PAH: variants seen among roughly 807,000 people sequenced by gnomAD.
PAH encodes phenylalanine-4-hydroxylase.
PAH carries 64 observed loss-of-function variants against 62.0 expected under a neutral mutation model. The observed-to-expected ratio is 1.03, with a 90% confidence interval of 0.84 to 1.27. The LOEUF (loss-of-function observed/expected upper bound fraction) is 1.27. PAH is among the 50% of genes most tolerant of loss of function. The pLI is 0.00. For missense variants in PAH, 579 were observed against 542.8 expected (o/e 1.07, Z -0.66); for synonymous variants, 195 against 196.2 (o/e 0.99, Z 0.05).
At chr12:102,875,094 T>C (rs1388545138) in intron 4 of PAH, among the ~76,000 whole-genome samples, 2 of 152,208 alleles carry the variant, frequency 1.3e-5, no homozygotes, top group East Asian at 3.9e-4. Context: ...GTTTTGTCCT[T>C]GGCCCACGTC....
chr12:102,939,872 T>C (rs771363942), intron 1 of PAH, among the ~76,000 whole-genome samples: 12 of 152,104 alleles, frequency 7.9e-5, no homozygotes, highest in Non-Finnish European at 1.5e-4. Context: ...AGGGCTGCAG[T>C]GTGCAGCCTG....
At chr12:102,844,559 G>A in intron 9 of PAH, 128 bp from the exon 10 acceptor site, 1 of 716,186 alleles carries the variant, frequency 1.4e-6, no homozygotes. Context: ...GTCTATGAGG[G>A]TGTTTCTGGA....
At chr12:102,888,486 G>A (rs1010040765) in intron 3 of PAH, among the ~76,000 whole-genome samples, 1 of 150,694 alleles carries the variant, frequency 6.6e-6, no homozygotes, top group Non-Finnish European at 1.5e-5. Flanking sequence ...CTTAGAATGA[G>A]AGCCTCCTTA....
chr12:102,912,331 G>A (rs1410651707), intron 2 of PAH, among the ~76,000 whole-genome samples: 2 of 152,028 alleles, frequency 1.3e-5, no homozygotes, highest in Non-Finnish European at 2.9e-5. Context: ...ACGGTGTCTT[G>A]CATATTATTT....
At chr12:102,856,558 A>G (rs1007503776) in intron 5 of PAH, among the ~76,000 whole-genome samples, 6 of 152,220 alleles carry the variant, frequency 3.9e-5, no homozygotes, top group African/African-American at 1.4e-4. Context: ...CTGACCCCCG[A>G]GTAGCCTAAC....
chr12:102,882,968 A>C (rs1473214921), intron 3 of PAH, among the ~76,000 whole-genome samples: 1 of 152,030 alleles, frequency 6.6e-6, no homozygotes, highest in Non-Finnish European at 1.5e-5. Flanking sequence ...TGATTAAAGG[A>C]GGAGGAGGAG....
At chr12:102,944,156 C>T (rs1250587881) in intron 1 of PAH, among the ~76,000 whole-genome samples, 1 of 152,126 alleles carries the variant, frequency 6.6e-6, no homozygotes, top group Non-Finnish European at 1.5e-5. Flanking sequence ...ATCCGTTGCA[C>T]GTTTTTTGTT....
chr12:102,914,027 G>A (rs551018745), intron 1 of PAH: 8 of 548,602 alleles, frequency 1.5e-5, no homozygotes, highest in Non-Finnish European at 1.9e-5. Context: ...ATGAGAGAAG[G>A]CTGTGTTAGG....
intron 8 of PAH, among the ~76,000 whole-genome samples, chr12:102,851,088 T>TAAAA (rs63714760): frequency 1.1e-4 from 16 of 142,972 alleles, no homozygotes; most frequent in South Asian, 2.2e-4. Flanking sequence ...GACCTTGCCT[T>TAAAA]AAAAGAAAAA....
chr12:102,899,581 C>T (rs1017562611), intron 2 of PAH, among the ~76,000 whole-genome samples: 4 of 151,952 alleles, frequency 2.6e-5, no homozygotes, highest in Non-Finnish European at 4.4e-5. Flanking sequence ...GAGTAACGGC[C>T]GGGCGCGGTG....
intron 1 of PAH, among the ~76,000 whole-genome samples, chr12:102,941,910 G>A (rs150266208): frequency 6.2e-4 from 95 of 152,136 alleles, no homozygotes; most frequent in African/African-American, 2.2e-3. Context: ...CAACAAACTA[G>A]GCATCAAAGG....
chr12:102,927,218 G>A (rs1020036892), intron 1 of PAH, among the ~76,000 whole-genome samples: 1 of 151,832 alleles, frequency 6.6e-6, no homozygotes, highest in African/African-American at 2.4e-5. Flanking sequence ...TGCCAAAATG[G>A]AAGGCTTAGG....
rs146147468 is a variant in PAH, at chr12:102,924,510, C to A, written c.-95-7285G>T. Among the ~76,000 whole-genome samples the A allele has an allele frequency of 3.3e-3, 502 of 152,228 alleles. 3 individuals carry two copies. The highest frequency in any genetic ancestry group is 0.012 in the African/African-American group (493 of 41,550). On this transcript the variant is annotated intron_variant, in intron 1 of 3. Transcript: ENST00000546844. ...TCAAGGATATATGCACAGCAAAGAG[C>A]ATTAGAGGCTAGTCTGTCCCTTTGG...
At chr12:102,915,041 T>C (rs1878333190) in intron 1 of PAH, 1 of 152,328 alleles carries the variant, frequency 6.6e-6, no homozygotes, top group Non-Finnish European at 1.5e-5. Context: ...TGGCAGTTTC[T>C]GTGGTACCGA....
intron 5 of PAH, among the ~76,000 whole-genome samples, chr12:102,859,792 C>T (rs1875634303): frequency 6.6e-6 from 1 of 152,184 alleles, no homozygotes; most frequent in Admixed American, 6.5e-5. Flanking sequence ...GCTAAAAACT[C>T]TCAATAAATT....
At chr12:102,940,989 A>G (rs184270873) in intron 1 of PAH, among the ~76,000 whole-genome samples, 3 of 152,348 alleles carry the variant, frequency 2.0e-5, no homozygotes, top group East Asian at 1.9e-4. Context: ...CAGAAGCCCT[A>G]CAAACCAGAA....
In PAH at chr12:102,840,500, T is replaced by C. The variant is rs771382634; in HGVS notation, c.1215A>G (p.Thr405=). The change falls in exon 12 of 13, where the codon ACA becomes ACG. Residue 405 remains threonine (T), a synonymous_variant. Transcript: ENST00000553106. ...AKEKVRNFAA[T]IPRPFSVRYD... ...AGCGAACTGAGAAGGGCCGAGGTATTGTGGCAGCAAAGTTCCTAAGACCAA... is the reference window on the plus strand; with the variant it reads ...AGCGAACTGAGAAGGGCCGAGGTATCGTGGCAGCAAAGTTCCTAAGACCAA... 2 of 1,613,666 alleles carry C rather than the reference T, an allele frequency of 1.2e-6. No homozygotes were observed. The highest frequency in any genetic ancestry group is 1.7e-6 in the Non-Finnish European group (2 of 1,179,646).
At chr12:102,917,290 C>T (rs910701889), upstream of PAH, 2 of 698,284 alleles carry the variant, frequency 2.9e-6, no homozygotes, top group African/African-American at 3.5e-5. Context: ...CAGTAACGCC[C>T]CTCGTGGGCG....
At chr12:102,874,861 C>A (rs1172799074) in intron 4 of PAH, among the ~76,000 whole-genome samples, 1 of 152,134 alleles carries the variant, frequency 6.6e-6, no homozygotes, top group Non-Finnish European at 1.5e-5. Flanking sequence ...CTTTGGAGGA[C>A]CTGATGAGAG....
Sources: gnomAD v4.1 joint callset for allele counts (sites outside exome capture counted in the v4.1 genomes callset) on GRCh38, gnomAD v4.1.1 for gene constraint, MANE v1.5 for transcripts, NCBI Gene and HGNC (gene_info 2026-07-23, HGNC 2026-07-21) for gene names.